The following NECAP1 variants were observed in gnomAD, a reference collection of about 807,000 sequenced individuals.
The protein encoded by NECAP1 is adaptin ear-binding coat-associated protein 1.
In NECAP1, 13 loss-of-function variants were observed where a neutral mutation model predicts 33.4. That is an observed-to-expected ratio of 0.39 (90% CI 0.25 to 0.62). The LOEUF is 0.62. Among genes scored for constraint, NECAP1 ranks in the 20% least tolerant of loss-of-function variants. The pLI is 0.52. For synonymous variants in NECAP1, 109 were observed against 125.2 expected, an observed-to-expected ratio of 0.87 and a Z score of 0.86; for missense variants, 272 against 347.4, an observed-to-expected ratio of 0.78 and a Z score of 1.73.
rs770618397 is a variant in NECAP1 at position 8,090,055 on chromosome 12, C to T, written c.196+19C>T. On this transcript the variant is annotated intron_variant, in intron 2 of 7. Transcript: ENST00000339754. ...GTTTCAGGTAATCTTTGCGGGTGAC[C>T]CTCTAACATTAAGAATATTAATTTG... 7.6e-5 allele frequency: 122 copies of T among 1,599,758 alleles called. No homozygotes were observed. In the Admixed American group the frequency reaches 1.2e-3, roughly 16 times the overall value.
At chr12:8,090,370 T>A (rs1316933584) in intron 3 of NECAP1, 71 bp downstream of exon 3, 6 of 1,299,538 alleles carry the variant, frequency 4.6e-6, no homozygotes, top group Non-Finnish European at 6.6e-6. Context: ...GAAAAGTGTT[T>A]CCGATTGCAT....
rs986393803 is a variant in NECAP1 at position 8,082,403 on chromosome 12, G to A, written c.95+20G>A. 4 of 1,605,638 alleles carry A rather than the reference G, an allele frequency of 2.5e-6. No individual in the cohort carries two copies. The East Asian group carries it at 6.7e-5, about 27-fold the overall frequency. On this transcript the variant is annotated intron_variant, in intron 1 of 7. Transcript: ENST00000339754. Reference sequence around the variant, plus strand: ...TTACAGGTACTAACCCCGAGGCGCTGCCGCACACGCGTACTCTGTCGCAGA... The same window carrying A: ...TTACAGGTACTAACCCCGAGGCGCTACCGCACACGCGTACTCTGTCGCAGA...
intron 1 of NECAP1, 52 bp from the exon 2 acceptor site, chr12:8,089,884 G>A (rs1180506409): frequency 2.3e-6 from 3 of 1,307,810 alleles, no homozygotes; most frequent in Non-Finnish European, 3.3e-6. Context: ...TTGTGGGTGG[G>A]CGTTAGTAAA....
intron 7 of NECAP1, 63 bp downstream of exon 7, chr12:8,095,766 T>C: frequency 6.8e-7 from 1 of 1,475,936 alleles, no homozygotes. Flanking sequence ...TACAGTCAAT[T>C]GAAATCTTTG....
intron 4 of NECAP1, chr12:8,092,454 A>G (rs774707027): frequency 2.1e-6 from 1 of 477,194 alleles, no homozygotes; most frequent in Non-Finnish European, 3.7e-6. Flanking sequence ...TGGAAGGGGC[A>G]ATTCTAATAC....
chr12:8,092,662 C>T lies in NECAP1; in HGVS notation c.384-14C>T, dbSNP rs939900674. On this transcript the variant is annotated splice_polypyrimidine_tract_variant and intron_variant, in intron 4 of 7. Transcript: ENST00000339754. The stretch of plus-strand genomic sequence containing the variant: ...GGAAATCTCAAACTAAGATAACTTG[C>T]TGTGTTCCCAAAGGTGGGTAAAGCA... The T allele has an allele frequency of 3.1e-6, 5 of 1,587,856 alleles. No individual in the cohort carries two copies. Among genetic ancestry groups the T allele is most frequent in the African/African-American group, 2.7e-5 (2 of 74,234 alleles).
At chr12:8,085,898 T>C (rs1947485943) in intron 1 of NECAP1, among the ~76,000 whole-genome samples, 1 of 151,726 alleles carries the variant, frequency 6.6e-6, no homozygotes, top group African/African-American at 2.4e-5. Context: ...AGAGATGGGG[T>C]TTCACCATGT....
chr12:8,095,745 T>A, intron 7 of NECAP1, 42 bp downstream of exon 7: 1 of 1,527,408 alleles, frequency 6.5e-7, no homozygotes, highest in Non-Finnish European at 9.1e-7. Context: ...AATCAGGGTG[T>A]AGGAGATATG....
At chr12:8,092,043 C>T in intron 4 of NECAP1, 193 bp downstream of exon 4, 2 of 578,706 alleles carry the variant, frequency 3.5e-6, no homozygotes, top group South Asian at 2.0e-5. Context: ...TCCTTATAGC[C>T]TGCAATATAT....
At chr12:8,091,695 A>G in intron 3 of NECAP1, 74 bp from the exon 4 acceptor site, 3 of 1,331,298 alleles carry the variant, frequency 2.3e-6, no homozygotes, top group East Asian at 4.6e-5. Context: ...AACAGGCCAC[A>G]GACTGGTGCC....
chr12:8,090,006 G>A lies in NECAP1; in HGVS notation c.166G>A (p.Ala56Thr). 6.2e-7 allele frequency: 1 copy of A among 1,614,142 alleles called. No homozygotes were observed. The highest frequency in any genetic ancestry group is 8.5e-7 in the Non-Finnish European group (1 of 1,179,992). Reference protein sequence around the residue: ...RLRITSKGKTAYIKLEDKVSG... With the variant: ...RLRITSKGKTTYIKLEDKVSG... Reference sequence around the variant, plus strand: ...CCGAATCACTTCAAAAGGGAAGACTGCCTATATCAAACTCGAGGATAAAGT... The same window carrying A: ...CCGAATCACTTCAAAAGGGAAGACTACCTATATCAAACTCGAGGATAAAGT... Residue 56 changes from alanine to threonine, a missense_variant, in exon 2 of 8, where the codon GCC becomes ACC. Ala to Thr is a moderately conservative substitution (Grantham distance 58). Coordinates refer to ENST00000339754, the MANE Select transcript of NECAP1 (RefSeq NM_015509.4).
intron 1 of NECAP1, 97 bp from the exon 2 acceptor site, chr12:8,089,839 A>G (rs1198013266): frequency 6.8e-6 from 6 of 885,020 alleles, no homozygotes; most frequent in Non-Finnish European, 1.1e-5. Flanking sequence ...AAGAATAGGC[A>G]ATCCAGGATA....
intron 3 of NECAP1, chr12:8,090,523 G>T (rs2120477728): frequency 6.0e-6 from 3 of 502,650 alleles, no homozygotes; most frequent in East Asian, 6.5e-5. Context: ...TTAAATAAAT[G>T]AAAAACACAT....
intron 1 of NECAP1, among the ~76,000 whole-genome samples, chr12:8,086,140 C>T (rs1254040763): frequency 6.6e-6 from 1 of 152,148 alleles, no homozygotes; most frequent in Admixed American, 6.5e-5. Flanking sequence ...AGGATTTATT[C>T]TCTAGGCTGA....
chr12:8,086,928 T>TACACAC (rs140539415), intron 1 of NECAP1, among the ~76,000 whole-genome samples: 25,428 of 143,602 alleles, frequency 0.18, 2,503 homozygotes, highest in Non-Finnish European at 0.24. Context: ...GAGACTCTAT[T>TACACAC]ACACACACAC....
At chr12:8,083,554 T>C (rs1947462421) in intron 1 of NECAP1, among the ~76,000 whole-genome samples, 1 of 148,290 alleles carries the variant, frequency 6.7e-6, no homozygotes, top group Non-Finnish European at 1.5e-5. Flanking sequence ...TTCAGCTTCC[T>C]GAATAGTTGG....
Position 8,082,274 on chromosome 12 carries a change from G to C in NECAP1, c.-15G>C. ...CTTACGTTTCGCCCCCGGCAGCGCC[G>C]ACAGCGGACCCAAGATGGCGACCGA... On this transcript the variant is annotated 5_prime_UTR_variant, in exon 1 of 8. Coordinates refer to ENST00000339754, the MANE Select transcript of NECAP1 (RefSeq NM_015509.4). 6.3e-7 allele frequency: 1 copy of C among 1,584,648 alleles called. No homozygotes were observed. Among genetic ancestry groups the C allele is most frequent in the Non-Finnish European group, 8.7e-7 (1 of 1,155,650 alleles).
At chr12:8,083,255 C>T (rs970471244) in intron 1 of NECAP1, among the ~76,000 whole-genome samples, 5 of 151,634 alleles carry the variant, frequency 3.3e-5, no homozygotes, top group Admixed American at 6.6e-5. Flanking sequence ...TTCCAAGCCT[C>T]AATTTTCTCA....
intron 1 of NECAP1, 108 bp downstream of exon 1, chr12:8,082,491 C>G: frequency 1.0e-6 from 1 of 969,602 alleles, no homozygotes; most frequent in Non-Finnish European, 1.6e-6. Flanking sequence ...TGTATTGTCA[C>G]CTTGCTAGCC....
Sources: allele counts gnomAD v4.1 joint callset (sites outside exome capture counted in the v4.1 genomes callset), GRCh38; gene constraint gnomAD v4.1.1; transcripts MANE v1.5; gene names NCBI Gene and HGNC (gene_info 2026-07-23, HGNC 2026-07-21).